The following TRPM7 variants were observed in gnomAD, a reference collection of about 807,000 sequenced individuals.
TRPM7 encodes transient receptor potential cation channel subfamily M member 7.
A neutral mutation model predicts 229.7 loss-of-function variants in TRPM7; 134 were observed. The observed-to-expected ratio is 0.58, with a 90% confidence interval of 0.51 to 0.67. The LOEUF (loss-of-function observed/expected upper bound fraction) is 0.67. Ranked by LOEUF, TRPM7 falls within the 30% of genes least tolerant of loss-of-function variation. The pLI is 0.00. For synonymous variants in TRPM7, 699 were observed against 715.2 expected (o/e 0.98, Z 0.36); for missense variants, 1,901 against 2,210.0 (o/e 0.86, Z 2.80).
intron 13 of TRPM7, among the ~76,000 whole-genome samples, chr15:50,619,147 T>C (rs548777439): frequency 1.3e-5 from 2 of 152,088 alleles, no homozygotes. Context: ...CTATCAACAG[T>C]CTTTCTTTTA....
At chr15:50,616,928 T>C (rs926777873) in intron 13 of TRPM7, among the ~76,000 whole-genome samples, 1 of 151,988 alleles carries the variant, frequency 6.6e-6, no homozygotes, top group Non-Finnish European at 1.5e-5. Context: ...CCACTGGGTC[T>C]GGCCAATATA....
chr15:50,649,218 C>T (rs1431125452), intron 3 of TRPM7, among the ~76,000 whole-genome samples: 1 of 151,958 alleles, frequency 6.6e-6, no homozygotes, highest in Non-Finnish European at 1.5e-5. Flanking sequence ...GCTGGAGGAC[C>T]TTGAGGTCAA....
intron 33 of TRPM7, 120 bp from the exon 34 acceptor site, chr15:50,575,255 A>G: frequency 1.3e-6 from 1 of 755,486 alleles, no homozygotes; most frequent in East Asian, 2.7e-5. Flanking sequence ...ACCAAGATGT[A>G]GTTTTATACA....
intron 7 of TRPM7, 130 bp downstream of exon 7, chr15:50,637,292 G>A (rs1378448525): frequency 3.8e-6 from 3 of 787,028 alleles, no homozygotes; most frequent in East Asian, 2.8e-5. Flanking sequence ...ATCAACCACT[G>A]TTGGTTGTTT....
At chr15:50,595,090 C>G (rs1203077401) in intron 23 of TRPM7, among the ~76,000 whole-genome samples, 2 of 151,918 alleles carry the variant, frequency 1.3e-5, no homozygotes, top group African/African-American at 4.8e-5. Flanking sequence ...ATAGTCCCAG[C>G]TACTCTGGAG....
intron 29 of TRPM7, chr15:50,582,303 T>C (rs1278127865): frequency 6.6e-6 from 1 of 152,088 alleles, no homozygotes; most frequent in Admixed American, 6.6e-5. Context: ...AATTTGCCAG[T>C]CTTTTTGAAT....
intron 4 of TRPM7, among the ~76,000 whole-genome samples, chr15:50,645,677 C>T (rs2061242190): frequency 6.6e-6 from 1 of 152,086 alleles, no homozygotes; most frequent in South Asian, 2.1e-4. Context: ...TTGTTTAACT[C>T]ATTATTATAT....
chr15:50,601,296 T>A (rs1446326347), intron 21 of TRPM7, among the ~76,000 whole-genome samples: 4 of 152,186 alleles, frequency 2.6e-5, no homozygotes, highest in African/African-American at 9.7e-5. Flanking sequence ...TGATAGGAAT[T>A]TAATTAATTA....
chr15:50,594,762 A>G (rs760980872), intron 23 of TRPM7, 149 bp from the exon 24 acceptor site: 7 of 562,116 alleles, frequency 1.2e-5, no homozygotes, highest in Non-Finnish European at 2.1e-5. Flanking sequence ...GAGAAACTAG[A>G]AAAGATACAG....
chr15:50,591,104 T>C (rs557080860), intron 26 of TRPM7, among the ~76,000 whole-genome samples: 3 of 152,358 alleles, frequency 2.0e-5, no homozygotes, highest in East Asian at 3.9e-4. Context: ...GGTATAAGAA[T>C]AAGTCATTCC....
At chr15:50,674,523 T>C (rs1033341196) in intron 1 of TRPM7, among the ~76,000 whole-genome samples, 5 of 152,210 alleles carry the variant, frequency 3.3e-5, no homozygotes, top group Admixed American at 2.6e-4. Flanking sequence ...ATTATTATTT[T>C]TAATGGTTTT....
chr15:50,657,813 A>C lies in TRPM7; in HGVS notation c.90T>G (p.Leu30=). 1 of 1,611,880 alleles carries C rather than the reference A, an allele frequency of 6.2e-7. No homozygotes were observed. The highest frequency in any genetic ancestry group is 8.5e-7 in the Non-Finnish European group (1 of 1,178,522). ...GTTGCTGACAAATTTGACATCCTGG[A>C]AGGCATCTATTGAACACAAAAAGGT... The part of the protein sequence containing the change: ...IPSSKDPHRC[L]PGCQICQQLV... Residue 30 remains leucine, a synonymous_variant, in exon 3 of 39, where the codon CTT becomes CTG. Coordinates refer to ENST00000646667, the MANE Select transcript of TRPM7 (RefSeq NM_017672.6).
chr15:50,594,652 A>T, intron 23 of TRPM7, 39 bp from the exon 24 acceptor site: 1 of 1,382,598 alleles, frequency 7.2e-7, no homozygotes, highest in Non-Finnish European at 9.8e-7. Flanking sequence ...AAACTTTGTT[A>T]ATCATCTCTT....
chr15:50,596,250 CT>C lies in TRPM7; in HGVS notation c.3290+4del. On this transcript the variant is annotated splice_donor_region_variant and intron_variant, in intron 23 of 38. Transcript: ENST00000646667. ...TTATAACAAACAATTGAACAAAATT[CT>C]TACTTGAAAAATGCAATAAGAAGAT... 1 of 1,486,540 alleles carries C rather than the reference CT, an allele frequency of 6.7e-7. No homozygotes were observed. The highest frequency in any genetic ancestry group is 9.0e-7 in the Non-Finnish European group (1 of 1,108,338). The allele number at this position is 1,486,540 out of a possible 1,614,324, so 92.1% of individuals were successfully genotyped here. A position where few individuals can be genotyped will look rare whatever the true frequency, so the allele number is the denominator to read the frequency against.
intron 21 of TRPM7, among the ~76,000 whole-genome samples, chr15:50,602,902 G>T (rs1033361906): frequency 6.6e-6 from 1 of 152,122 alleles, no homozygotes; most frequent in Non-Finnish European, 1.5e-5. Flanking sequence ...ACAAATAAAG[G>T]CTTCTGTACT....
At chr15:50,665,669 G>A (rs1315110498) in intron 1 of TRPM7, among the ~76,000 whole-genome samples, 3 of 152,114 alleles carry the variant, frequency 2.0e-5, no homozygotes, top group Non-Finnish European at 4.4e-5. Context: ...GCATGTATAG[G>A]AAAATGTATA....
At chr15:50,632,822 G>C in intron 9 of TRPM7, 47 bp downstream of exon 9, 1 of 1,462,676 alleles carries the variant, frequency 6.8e-7, no homozygotes, top group Non-Finnish European at 9.0e-7. Flanking sequence ...TTGAATGAAA[G>C]AAAAATGGCC....
At chr15:50,576,476 G>A (rs2054141358) in intron 31 of TRPM7, among the ~76,000 whole-genome samples, 1 of 152,156 alleles carries the variant, frequency 6.6e-6, no homozygotes, top group Admixed American at 6.5e-5. Flanking sequence ...TTAGCCAACA[G>A]TTTTAATACT....
chr15:50,669,787 A>C (rs2061951275), intron 1 of TRPM7, among the ~76,000 whole-genome samples: 1 of 152,156 alleles, frequency 6.6e-6, no homozygotes, highest in African/African-American at 2.4e-5. Flanking sequence ...GTCCAGGAAA[A>C]AAAAAAGGGA....
Sources: allele counts gnomAD v4.1 joint callset (sites outside exome capture counted in the v4.1 genomes callset), GRCh38; gene constraint gnomAD v4.1.1; transcripts MANE v1.5; gene names NCBI Gene and HGNC (gene_info 2026-07-23, HGNC 2026-07-21).